Variants in GPR158 observed in about 807,000 individuals in gnomAD.
GPR158 encodes the protein metabotropic glycine receptor.
A neutral mutation model predicts 78.2 loss-of-function variants in GPR158; 30 were observed. That is an observed-to-expected ratio of 0.38 (90% CI 0.29 to 0.52). The LOEUF is 0.52. GPR158 is among the 20% of genes least tolerant of loss of function. GPR158 has a pLI of 0.83. For synonymous variants in GPR158, 581 were observed against 591.1 expected, an observed-to-expected ratio of 0.98 and a Z score of 0.25; for missense variants, 1,463 against 1,523.5, an observed-to-expected ratio of 0.96 and a Z score of 0.66.
chr10:25,505,428 C>T (rs1214663411), intron 5 of GPR158, among the ~76,000 whole-genome samples: 1 of 152,212 alleles, frequency 6.6e-6, no homozygotes. Flanking sequence ...GGGTCCACCT[C>T]GGTGTCTGCA....
At position 25,594,394 on chromosome 10, in the gene GPR158, A is replaced by G. The variant is rs150868492; in HGVS notation, c.1995A>G (p.Pro665=). 3,126 of 1,433,056 alleles carry G rather than the reference A, an allele frequency of 2.2e-3. 9 individuals carry two copies. The highest frequency in any genetic ancestry group is 2.8e-3 in the Non-Finnish European group (2,905 of 1,026,074). 88.8% of individuals were successfully genotyped at this position (1,433,056 alleles called of 1,614,324 possible). A position where few individuals can be genotyped will look rare whatever the true frequency, so the allele number is the denominator to read the frequency against. The change falls in exon 9 of 11, where the codon CCA becomes CCG. Residue 665 remains proline, a synonymous_variant. Coordinates refer to ENST00000376351, the MANE Select transcript of GPR158 (RefSeq NM_020752.3). ...VTVTIGLLLI[P]KFSHSSNNPR... is the part of the protein sequence containing the mutation. ...TCACCATTGGGTTGCTTTTGATTCC[A>G]AAGGTATTCTTCTAATATTACTTTT...
intron 4 of GPR158, among the ~76,000 whole-genome samples, chr10:25,434,465 T>G (rs1429615154): frequency 1.3e-5 from 2 of 152,114 alleles, no homozygotes; most frequent in Non-Finnish European, 2.9e-5. Flanking sequence ...ACATAAATCG[T>G]TGGTGGTTTT....
At chr10:25,416,667 T>C (rs568361159) in intron 4 of GPR158, among the ~76,000 whole-genome samples, 2 of 152,308 alleles carry the variant, frequency 1.3e-5, no homozygotes, top group East Asian at 3.9e-4. Flanking sequence ...TATAATACTT[T>C]CCTGGTTTTA....
chr10:25,497,767 A>G (rs1054637134), intron 5 of GPR158, among the ~76,000 whole-genome samples: 7 of 152,242 alleles, frequency 4.6e-5, no homozygotes, highest in Non-Finnish European at 1.0e-4. Context: ...TGACAAATGT[A>G]GAATTAAATT....
intron 5 of GPR158, among the ~76,000 whole-genome samples, chr10:25,501,396 C>T (rs1835944695): frequency 6.6e-6 from 1 of 152,170 alleles, no homozygotes; most frequent in African/African-American, 2.4e-5. Context: ...ATTGAATCTA[C>T]TTTTCCTTCA....
rs1436640547 is a variant in GPR158, at chr10:25,175,356, G to A, written c.-65G>A. 9.9e-7 allele frequency: 1 copy of A among 1,007,416 alleles called. No individual in the cohort carries two copies. Among genetic ancestry groups the A allele is most frequent in the African/African-American group, 1.6e-5 (1 of 61,838 alleles). The allele number at this position is 1,007,416 out of a possible 1,614,324, so 62.4% of individuals were successfully genotyped here. On this transcript the variant is annotated 5_prime_UTR_variant, in exon 1 of 11. Coordinates refer to ENST00000376351, the MANE Select transcript of GPR158 (RefSeq NM_020752.3). This position sits in a 1 kb window ranked among gnomAD's most constrained non-coding sequence, Gnocchi z 6.4. ...GAAAAAGTCTGACTGTTGAGAAACTGACGATCCAAATTTAAAAAGTGATTC... is the reference window on the plus strand; with the variant it reads ...GAAAAAGTCTGACTGTTGAGAAACTAACGATCCAAATTTAAAAAGTGATTC...
intron 3 of GPR158, among the ~76,000 whole-genome samples, chr10:25,409,232 T>A (rs1267694235): frequency 6.7e-6 from 1 of 149,738 alleles, no homozygotes; most frequent in Non-Finnish European, 1.5e-5. Context: ...ATTAGCACAA[T>A]CCTTTCTTTA....
At chr10:25,358,819 A>G (rs1403143015) in intron 2 of GPR158, among the ~76,000 whole-genome samples, 4 of 152,102 alleles carry the variant, frequency 2.6e-5, no homozygotes, top group South Asian at 2.1e-4. Context: ...CATTTTAGTC[A>G]GAGAATATAC....
intron 2 of GPR158, among the ~76,000 whole-genome samples, chr10:25,303,547 G>C (rs534026681): frequency 6.6e-6 from 1 of 152,304 alleles, no homozygotes; most frequent in Admixed American, 6.5e-5. Context: ...AATACCTTGA[G>C]AGCATCTTAG....
At chr10:25,418,494 A>G (rs1408993762) in intron 4 of GPR158, among the ~76,000 whole-genome samples, 1 of 152,118 alleles carries the variant, frequency 6.6e-6, no homozygotes, top group Non-Finnish European at 1.5e-5. Context: ...TAAACTGTGA[A>G]TAATTTTGAG....
At chr10:25,352,828 G>A (rs543437917) in intron 2 of GPR158, among the ~76,000 whole-genome samples, 8 of 152,060 alleles carry the variant, frequency 5.3e-5, no homozygotes, top group African/African-American at 1.9e-4. Flanking sequence ...GCCTTGAACT[G>A]TTACTCTGTA....
chr10:25,345,734 G>T (rs953756115), intron 2 of GPR158, among the ~76,000 whole-genome samples: 1 of 151,880 alleles, frequency 6.6e-6, no homozygotes, highest in African/African-American at 2.4e-5. Flanking sequence ...AGCTATGGAC[G>T]ATGTCTTAAT....
In GPR158 at chr10:25,596,691, T is replaced by A; in HGVS notation, c.2047T>A (p.Tyr683Asn). ...ACGAGATGATATTGCTACAGAAGCA[T>A]ATGAGGATGAGCTAGACATGGGCCG... ...NPRDDIATEA[Y>N]EDELDMGRSG... Residue 683 changes from tyrosine to asparagine, a missense_variant, in exon 10 of 11, where the codon TAT becomes AAT. Tyr to Asn is a moderately radical substitution (Grantham distance 143, BLOSUM62 -2). Transcript: ENST00000376351. 6.2e-7 allele frequency: 1 copy of A among 1,613,512 alleles called. No individual in the cohort carries two copies. Among genetic ancestry groups the A allele is most frequent in the Non-Finnish European group, 8.5e-7 (1 of 1,179,538 alleles).
intron 7 of GPR158, among the ~76,000 whole-genome samples, chr10:25,577,745 T>C (rs895278690): frequency 1.3e-5 from 2 of 152,208 alleles, no homozygotes; most frequent in Non-Finnish European, 2.9e-5. Flanking sequence ...AGCCACAGTT[T>C]CTTCTTTGAA....
chr10:25,338,539 A>G (rs960658274), intron 2 of GPR158, among the ~76,000 whole-genome samples: 17 of 64,494 alleles, frequency 2.6e-4, no homozygotes, highest in African/African-American at 5.2e-4. Context: ...CGTATATTAT[A>G]TATACGTAAT....
intron 5 of GPR158, among the ~76,000 whole-genome samples, chr10:25,521,727 G>T (rs377335426): frequency 6.6e-6 from 1 of 152,200 alleles, no homozygotes; most frequent in East Asian, 1.9e-4. Flanking sequence ...ATGAATTTGT[G>T]TGTCATCCTT....
At chr10:25,363,304 G>A (rs560840513) in intron 2 of GPR158, among the ~76,000 whole-genome samples, 10 of 151,918 alleles carry the variant, frequency 6.6e-5, no homozygotes, top group African/African-American at 2.4e-4. Context: ...TTATCATGGA[G>A]TATATTCATT....
intron 5 of GPR158, among the ~76,000 whole-genome samples, chr10:25,533,145 G>GT (rs1836448395): frequency 6.6e-6 from 1 of 152,160 alleles, no homozygotes; most frequent in Non-Finnish European, 1.5e-5. Context: ...GGATGTTTAT[G>GT]TAGGGCAGTT....
chr10:25,275,001 G>A (rs546569182), intron 2 of GPR158, among the ~76,000 whole-genome samples: 1 of 152,050 alleles, frequency 6.6e-6, no homozygotes, highest in African/African-American at 2.4e-5. Flanking sequence ...TTAGTTGGGG[G>A]CCATTTATTT....
Sources: gnomAD v4.1 joint callset for allele counts (sites outside exome capture counted in the v4.1 genomes callset) on GRCh38, gnomAD v4.1.1 for gene constraint, Gnocchi (gnomAD v3.1) non-coding constraint, MANE v1.5 for transcripts, NCBI Gene and HGNC (gene_info 2026-07-23, HGNC 2026-07-21) for gene names.